Variants in BOK observed in about 807,000 individuals in gnomAD.
BOK encodes the protein BCL2 family apoptosis regulator BOK.
In BOK, 20 loss-of-function variants were observed where a neutral mutation model predicts 18.3. The ratio of observed to expected loss-of-function variants is 1.09; its 90% CI spans 0.77 to 1.59. The LOEUF is 1.59. Ranked by LOEUF, BOK falls within the 40% of genes most tolerant of loss-of-function variation. The pLI, the probability that BOK is intolerant of heterozygous loss-of-function variation, is 0.00. For synonymous variants in BOK, 173 were observed against 142.4 expected (o/e 1.21, Z -1.53); for missense variants, 348 against 307.9 (o/e 1.13, Z -0.97).
At position 241,562,459 on chromosome 2, in the gene BOK, G is replaced by A. The variant is rs116907701; in HGVS notation, c.332G>A (p.Gly111Asp). 8 of 1,611,294 alleles carry A rather than the reference G, an allele frequency of 5.0e-6. No homozygotes were observed. The East Asian group carries it at 1.1e-4, about 22-fold the overall frequency. ...VVTDAFLAVA[G>D]HIFSAGITWG... ...ACCGATGCGTTCCTGGCCGTGGCTG[G>A]CCACATCTTCTCTGCAGGTATGCCC... Residue 111 changes from glycine (G) to aspartate (D), a missense_variant, in exon 3 of 5, where the codon GGC becomes GAC. Physicochemically the swap from Gly to Asp is moderately conservative, Grantham distance 94 (BLOSUM62 -1). Transcript: ENST00000318407. The surrounding 1 kb of genome is among the most constrained non-coding windows in gnomAD (Gnocchi z 4.5).
chr2:241,554,018 G>A (rs1012223864), upstream of BOK, among the ~76,000 whole-genome samples: 1 of 152,254 alleles, frequency 6.6e-6, no homozygotes, highest in African/African-American at 2.4e-5. Context: ...CACAGCATCT[G>A]AGATTTGCAG....
chr2:241,559,597 C>A lies in BOK; in HGVS notation c.114C>A (p.Tyr38Ter), dbSNP rs1485779717. ...VAQAKALGRE[Y>*]VHARLLRAGL... ...AGGCCAAGGCGCTGGGCCGGGAGTA[C>A]GTGCACGCGCGGCTGCTGCGCGCCG... is the stretch of plus-strand genomic sequence containing the variant. The change falls in exon 2 of 5, where the codon TAC becomes TAA. Residue 38 changes from tyrosine to a stop codon, truncating the protein, a stop_gained. Transcript: ENST00000318407. LOFTEE classifies it high-confidence loss of function. The A allele has an allele frequency of 6.7e-6, 10 of 1,492,858 alleles. No individual in the cohort carries two copies. Among genetic ancestry groups the A allele is most frequent in the Non-Finnish European group, 8.9e-6 (10 of 1,129,184 alleles). The allele number at this position is 1,492,858 out of a possible 1,614,324, so 92.5% of individuals were successfully genotyped here.
chr2:241,556,310 C>T (rs541636500), upstream of BOK, among the ~76,000 whole-genome samples: 12 of 152,322 alleles, frequency 7.9e-5, no homozygotes, highest in South Asian at 1.7e-3. Flanking sequence ...CCAGGCTGGG[C>T]GCTGTGGCTT....
chr2:241,564,324 C>T (rs76812504), intron 3 of BOK, among the ~76,000 whole-genome samples: 28,929 of 152,064 alleles, frequency 0.19, 3,134 homozygotes, highest in Non-Finnish European at 0.24. Context: ...TGGGTGCGGG[C>T]GAGACTCCCT....
Position 241,570,185 on chromosome 2 carries a change from G to T in BOK, c.410G>T (p.Cys137Phe). ...GTGGCCGCGGGGCTGGCCGTGGACT[G>T]TGTGAGGCAGGCCCAGCCTGCCATG... Reference protein sequence around the residue: ...YAVAAGLAVDCVRQAQPAMVH... With the variant: ...YAVAAGLAVDFVRQAQPAMVH... Residue 137 changes from cysteine (C) to phenylalanine (F), a missense_variant, in exon 4 of 5, where the codon TGT (cysteine) becomes TTT (phenylalanine). Physicochemically the swap from Cys to Phe is radical, Grantham distance 205. Coordinates refer to ENST00000318407, the MANE Select transcript of BOK (RefSeq NM_032515.5). 1 of 1,609,356 alleles carries T rather than the reference G, an allele frequency of 6.2e-7. No individual in the cohort carries two copies. The highest frequency in any genetic ancestry group is 8.5e-7 in the Non-Finnish European group (1 of 1,178,794).
chr2:241,571,400 G>A (rs2066717086), intron 4 of BOK, among the ~76,000 whole-genome samples: 1 of 152,196 alleles, frequency 6.6e-6, no homozygotes, highest in Non-Finnish European at 1.5e-5. Context: ...TTGGCCTGGT[G>A]TGTAAATCAG....
chr2:241,562,430 G>A lies in BOK; in HGVS notation c.303G>A (p.Val101=). The A allele has an allele frequency of 6.2e-7, 1 of 1,612,352 alleles. No individual in the cohort carries two copies. Among genetic ancestry groups the A allele is most frequent in the Non-Finnish European group, 8.5e-7 (1 of 1,179,880 alleles). ...QLHISLQSEP[V]VTDAFLAVAG... is the part of the protein sequence containing the mutation. The stretch of plus-strand genomic sequence containing the variant: ...ACATCTCCCTGCAGTCTGAGCCTGT[G>A]GTGACCGATGCGTTCCTGGCCGTGG... Residue 101 remains valine (V), a synonymous_variant, in exon 3 of 5, where the codon GTG becomes GTA. Transcript: ENST00000318407. This position sits in a 1 kb window ranked among gnomAD's most constrained non-coding sequence, Gnocchi z 4.5.
chr2:241,560,306 C>G (rs951654626), intron 2 of BOK: 1 of 978,580 alleles, frequency 1.0e-6, no homozygotes, highest in Non-Finnish European at 1.2e-6. Flanking sequence ...CTGTGACTGT[C>G]CAGTCCCCTC....
At chr2:241,571,110 C>G (rs1251503491) in intron 4 of BOK, among the ~76,000 whole-genome samples, 1 of 151,796 alleles carries the variant, frequency 6.6e-6, no homozygotes, top group African/African-American at 2.4e-5. Flanking sequence ...GGGCAAGGGC[C>G]GAGACCTACA....
At chr2:241,560,042 C>T (rs754978924) in intron 2 of BOK, 83 of 980,878 alleles carry the variant, frequency 8.5e-5, no homozygotes, top group Non-Finnish European at 9.2e-5. Context: ...TGTAGGAGCA[C>T]GTGTCCCGAT....
At chr2:241,568,567 A>G (rs2066653695) in intron 3 of BOK, among the ~76,000 whole-genome samples, 1 of 151,908 alleles carries the variant, frequency 6.6e-6, no homozygotes, top group Non-Finnish European at 1.5e-5. Flanking sequence ...ACAGGCGCCC[A>G]CCACCATATC....
At position 241,570,187 on chromosome 2, in the gene BOK, G is replaced by A; in HGVS notation, c.412G>A (p.Val138Met). The A allele has an allele frequency of 6.2e-7, 1 of 1,609,250 alleles. No homozygotes were observed. Among genetic ancestry groups the A allele is most frequent in the Non-Finnish European group, 8.5e-7 (1 of 1,178,766 alleles). Reference protein sequence around the residue: ...AVAAGLAVDCVRQAQPAMVHA... With the variant: ...AVAAGLAVDCMRQAQPAMVHA... ...GGCCGCGGGGCTGGCCGTGGACTGT[G>A]TGAGGCAGGCCCAGCCTGCCATGGT... Residue 138 changes from valine (V) to methionine (M), a missense_variant, in exon 4 of 5, where the codon GTG becomes ATG. Coordinates refer to ENST00000318407, the MANE Select transcript of BOK (RefSeq NM_032515.5).
intron 3 of BOK, among the ~76,000 whole-genome samples, chr2:241,569,367 G>GTGA (rs2066668620): frequency 2.6e-5 from 4 of 152,194 alleles, no homozygotes; most frequent in Admixed American, 2.6e-4. Flanking sequence ...TCCCAACCTT[G>GTGA]TGATCTGCCC....
intron 4 of BOK, 71 bp from the exon 5 acceptor site, chr2:241,572,226 G>T: frequency 6.3e-7 from 1 of 1,584,400 alleles, no homozygotes; most frequent in South Asian, 1.1e-5. Context: ...CACGGTGCTG[G>T]GGGGCCTGGC....
intron 2 of BOK, chr2:241,559,947 T>C (rs1331963729): frequency 1.5e-6 from 1 of 647,306 alleles, no homozygotes; most frequent in Non-Finnish European, 1.9e-6. Flanking sequence ...CCATAAACAA[T>C]AGAAAGCTCC....
chr2:241,573,257 G>T lies in BOK; in HGVS notation c.*835G>T, dbSNP rs1348625173. The T allele has an allele frequency of 1.4e-5, 2 of 143,248 alleles. No homozygotes were observed. The highest frequency in any genetic ancestry group is 2.6e-5 in the African/African-American group (1 of 38,320). 8.9% of individuals were successfully genotyped at this position (143,248 alleles called of 1,614,324 possible). ...ACACTTGCTCTCACCTGAGCCCCAGGTGAAGGGGCCCGGAACACCTCCTCT... is the reference window on the plus strand; with the variant it reads ...ACACTTGCTCTCACCTGAGCCCCAGTTGAAGGGGCCCGGAACACCTCCTCT... On this transcript the variant is annotated 3_prime_UTR_variant, in exon 5 of 5. Transcript: ENST00000318407.
chr2:241,567,889 A>G (rs544060071), intron 3 of BOK, among the ~76,000 whole-genome samples: 1 of 77,480 alleles, frequency 1.3e-5, no homozygotes, highest in South Asian at 4.7e-4. Flanking sequence ...TACTAGTCTC[A>G]GGAGGTCTTT....
intron 2 of BOK, chr2:241,560,208 G>A (rs2066506342): frequency 1.0e-6 from 1 of 985,336 alleles, no homozygotes; most frequent in East Asian, 1.1e-4. Context: ...AGGACATCTG[G>A]GGGTGCTCGG....
intron 3 of BOK, among the ~76,000 whole-genome samples, chr2:241,569,095 G>A (rs2066662739): frequency 6.6e-6 from 1 of 152,214 alleles, no homozygotes; most frequent in Non-Finnish European, 1.5e-5. Flanking sequence ...AGGCTGTGCA[G>A]TGGCCTGAAT....
Sources: gnomAD v4.1 joint callset for allele counts (sites outside exome capture counted in the v4.1 genomes callset) on GRCh38, gnomAD v4.1.1 for gene constraint, Gnocchi (gnomAD v3.1) non-coding constraint, MANE v1.5 for transcripts, NCBI Gene and HGNC (gene_info 2026-07-23, HGNC 2026-07-21) for gene names.